Variants in MAGI2 observed in about 807,000 individuals in gnomAD.
MAGI2 encodes the protein membrane-associated guanylate kinase, WW and PDZ domain-containing protein 2.
In MAGI2, 35 loss-of-function variants were observed where a neutral mutation model predicts 133.3. That is an observed-to-expected ratio of 0.26 (90% confidence interval 0.20 to 0.35). The LOEUF is 0.35. MAGI2 is among the 10% of genes least tolerant of loss of function. The pLI is 1.00. For missense variants in MAGI2, 1,636 were observed against 1,863.4 expected (o/e 0.88, Z 2.25); for synonymous variants, 729 against 710.6 (o/e 1.03, Z -0.41).
intron 2 of MAGI2, among the ~76,000 whole-genome samples, chr7:78,867,597 C>A (rs564166227): frequency 2.0e-5 from 3 of 149,772 alleles, no homozygotes; most frequent in African/African-American, 7.4e-5. Flanking sequence ...TGCTAGATGA[C>A]AAGTTAGTGG....
chr7:78,144,577 C>T (rs1823101754), intron 16 of MAGI2, among the ~76,000 whole-genome samples: 1 of 151,818 alleles, frequency 6.6e-6, no homozygotes, highest in Admixed American at 6.6e-5. Context: ...GTGTCTTTTC[C>T]TCACATCATT....
intron 9 of MAGI2, among the ~76,000 whole-genome samples, chr7:78,281,875 A>T (rs1345441628): frequency 7.7e-6 from 1 of 129,232 alleles, no homozygotes; most frequent in East Asian, 2.2e-4. Context: ...ATGGAGCAAA[A>T]CTCCATCTCA....
At chr7:78,841,287 T>G (rs1194131023) in intron 2 of MAGI2, among the ~76,000 whole-genome samples, 1 of 152,090 alleles carries the variant, frequency 6.6e-6, no homozygotes, top group Non-Finnish European at 1.5e-5. Context: ...CCTTATCACA[T>G]GTGATGTCTC....
At chr7:79,215,959 C>G (rs1028390050) in intron 1 of MAGI2, among the ~76,000 whole-genome samples, 4 of 151,806 alleles carry the variant, frequency 2.6e-5, no homozygotes, top group Non-Finnish European at 5.9e-5. Context: ...CAGGGAAATA[C>G]TGGGTAGAAG....
intron 1 of MAGI2, among the ~76,000 whole-genome samples, chr7:79,044,406 T>C (rs1334258103): frequency 2.0e-5 from 3 of 152,152 alleles, no homozygotes; most frequent in Non-Finnish European, 4.4e-5. Flanking sequence ...AAACCCTCAG[T>C]GAATGAGGCA....
chr7:78,784,350 C>T (rs1455545386), intron 2 of MAGI2, among the ~76,000 whole-genome samples: 1 of 152,074 alleles, frequency 6.6e-6, no homozygotes, highest in Non-Finnish European at 1.5e-5. Context: ...CTTCTCTTCC[C>T]CTCCTGTCTC....
intron 1 of MAGI2, among the ~76,000 whole-genome samples, chr7:79,133,318 CT>C (rs1424114255): frequency 6.6e-6 from 1 of 151,910 alleles, no homozygotes; most frequent in Admixed American, 6.6e-5. Flanking sequence ...CATGAGCTGA[CT>C]TTTTTTTATA....
chr7:79,114,002 T>C (rs563092011), intron 1 of MAGI2, among the ~76,000 whole-genome samples: 2 of 152,340 alleles, frequency 1.3e-5, no homozygotes, highest in African/African-American at 4.8e-5. Flanking sequence ...TCAGGTGTTA[T>C]GTGCATTCCC....
Position 79,425,830 on chromosome 7 carries a change from T to C in MAGI2, c.301+27190A>G, listed in dbSNP as rs1033391841. 2.6e-5 allele frequency among the ~76,000 whole-genome samples: 4 copies of C among 152,064 alleles called. No individual in the cohort carries two copies. The East Asian group carries it at 7.8e-4, about 30-fold the overall frequency. ...GGAGAAAGACAAAGAAGCCCTTGGATAAAGGCTTCAATGACTATTTGCCTC... is the reference window on the plus strand; with the variant it reads ...GGAGAAAGACAAAGAAGCCCTTGGACAAAGGCTTCAATGACTATTTGCCTC... On this transcript the variant is annotated intron_variant, in intron 1 of 21. Coordinates refer to ENST00000354212, the MANE Select transcript of MAGI2 (RefSeq NM_012301.4).
intron 1 of MAGI2, among the ~76,000 whole-genome samples, chr7:79,067,588 CCA>C (rs1814490651): frequency 6.6e-6 from 1 of 152,142 alleles, no homozygotes; most frequent in African/African-American, 2.4e-5. Flanking sequence ...TAATTGAATA[CCA>C]TTTATTTCTT....
intron 21 of MAGI2, among the ~76,000 whole-genome samples, chr7:78,058,003 A>ATATG: frequency 1.7e-5 from 2 of 117,024 alleles, no homozygotes; most frequent in Non-Finnish European, 3.6e-5. Context: ...ATATATATAT[A>ATATG]TGTATGAGAA....
rs183125529 is a variant in MAGI2, at chr7:79,261,790, A to G, written c.301+191230T>C. 2.0e-3 allele frequency among the ~76,000 whole-genome samples: 307 copies of G among 152,324 alleles called. 1 individual carries two copies. Among genetic ancestry groups the G allele is most frequent in the African/African-American group, 6.8e-3 (282 of 41,576 alleles). On this transcript the variant is annotated intron_variant, in intron 1 of 21. Coordinates refer to ENST00000354212, the MANE Select transcript of MAGI2 (RefSeq NM_012301.4). ...TCTTACTACATTAACATCACTTACC[A>G]TCACTTAAGAACCCAAATCATCAAT...
At chr7:79,285,523 G>A (rs1835936889) in intron 1 of MAGI2, among the ~76,000 whole-genome samples, 3 of 152,148 alleles carry the variant, frequency 2.0e-5, no homozygotes, top group Admixed American at 2.0e-4. Flanking sequence ...GAATCTGCCA[G>A]TGTATTGCTT....
chr7:78,019,388 C>T lies in MAGI2; in HGVS notation c.4295G>A (p.Gly1432Glu). 8.1e-7 allele frequency: 1 copy of T among 1,238,374 alleles called. No individual in the cohort carries two copies. Among genetic ancestry groups the T allele is most frequent in the South Asian group, 3.3e-5 (1 of 30,222 alleles). The allele number at this position is 1,238,374 out of a possible 1,614,324, so 76.7% of individuals were successfully genotyped here. The change falls in exon 22 of 22, where the codon GGG becomes GAG. Residue 1432 changes from glycine (G) to glutamate (E), a missense_variant. Around this residue, in one of 5 missense-constraint regions of MAGI2, gnomAD observed 354 missense variants for 298.7 expected, o/e 1.19. Coordinates refer to ENST00000354212, the MANE Select transcript of MAGI2 (RefSeq NM_012301.4). ...APARKAAVAP[G>E]PWKVPGSDKL... ...GTCAGAACCCGGCACCTTCCAGGGC[C>T]CCGGCGCGACGGCGGCCTTGCGCGC... is the stretch of plus-strand genomic sequence containing the variant.
intron 1 of MAGI2, among the ~76,000 whole-genome samples, chr7:79,115,809 T>G (rs1819339051): frequency 6.6e-6 from 1 of 151,610 alleles, no homozygotes; most frequent in Non-Finnish European, 1.5e-5. Flanking sequence ...TTTTGGTTAT[T>G]AAAATTAATT....
chr7:78,459,454 G>T (rs1386852053), intron 6 of MAGI2, among the ~76,000 whole-genome samples: 1 of 152,064 alleles, frequency 6.6e-6, no homozygotes, highest in Non-Finnish European at 1.5e-5. Flanking sequence ...AAATGCAGAG[G>T]CTGAATATTT....
At chr7:78,613,322 A>G (rs1406959626) in intron 3 of MAGI2, among the ~76,000 whole-genome samples, 1 of 152,210 alleles carries the variant, frequency 6.6e-6, no homozygotes, top group Non-Finnish European at 1.5e-5. Flanking sequence ...GTAGTTGACA[A>G]TGAGCCATTG....
At chr7:79,168,909 T>G (rs1190467662) in intron 1 of MAGI2, among the ~76,000 whole-genome samples, 8 of 9,954 alleles carry the variant, frequency 8.0e-4, no homozygotes, top group Non-Finnish European at 2.9e-3. Flanking sequence ...TATATATATA[T>G]ATATATATAT....
chr7:78,656,925 A>G (rs1305388681), intron 2 of MAGI2, among the ~76,000 whole-genome samples: 1 of 152,014 alleles, frequency 6.6e-6, no homozygotes, highest in African/African-American at 2.4e-5. Context: ...ATGATAAATA[A>G]CTGTTATTTA....
Sources: gnomAD v4.1 joint callset for allele counts (sites outside exome capture counted in the v4.1 genomes callset) on GRCh38, gnomAD v4.1.1 for gene constraint, gnomAD v4.1.1 regional missense constraint, MANE v1.5 for transcripts, NCBI Gene and HGNC (gene_info 2026-07-23, HGNC 2026-07-21) for gene names.